Variants in ME3 observed in about 807,000 individuals in gnomAD.
ME3 encodes the protein malic enzyme 3.
In ME3, 48 loss-of-function variants were observed where a neutral mutation model predicts 68.9. The observed-to-expected ratio is 0.70, with a 90% CI of 0.55 to 0.89. The LOEUF is 0.89. Among genes scored for constraint, ME3 ranks in the 40% least tolerant of loss-of-function variants. The probability of loss-of-function intolerance (pLI) is 0.00; values close to 1 mark genes in which losing one functional copy is unlikely to be tolerated. For synonymous variants in ME3, 320 were observed against 318.8 expected (o/e 1.00, Z -0.04); for missense variants, 675 against 797.4 (o/e 0.85, Z 1.85).
intron 5 of ME3, among the ~76,000 whole-genome samples, chr11:86,503,854 A>T (rs889182501): frequency 2.0e-5 from 3 of 152,154 alleles, no homozygotes; most frequent in African/African-American, 7.2e-5. Flanking sequence ...GGAGCTTGGG[A>T]AAACTGTTAG....
In ME3 at chr11:86,639,930, C is replaced by T. The variant is rs115970547; in HGVS notation, c.183+31832G>A. On this transcript the variant is annotated intron_variant, in intron 2 of 14. Coordinates refer to ENST00000543262, the Ensembl canonical transcript of ME3. ...AGGATGTATGAGACAATTGAGTGAG[C>T]AGAGCTGATGGGAATCAAAGCCCAC... Among the ~76,000 whole-genome samples, 559 of 152,266 alleles carry T rather than the reference C, an allele frequency of 3.7e-3. 2 individuals carry two copies. Among genetic ancestry groups the T allele is most frequent in the African/African-American group, 0.013 (530 of 41,548 alleles).
At chr11:86,501,852 C>T (rs1251104515) in intron 5 of ME3, among the ~76,000 whole-genome samples, 2 of 152,198 alleles carry the variant, frequency 1.3e-5, no homozygotes, top group East Asian at 1.9e-4. Flanking sequence ...GCTACTGCCT[C>T]GGATCAGATC....
At chr11:86,573,817 TTTA>T (rs1308319554) in intron 2 of ME3, among the ~76,000 whole-genome samples, 3 of 152,192 alleles carry the variant, frequency 2.0e-5, no homozygotes, top group Non-Finnish European at 4.4e-5. Flanking sequence ...CAATACCTAG[TTTA>T]TTGAGAGCTT....
chr11:86,591,900 T>C (rs1347480980), intron 2 of ME3, among the ~76,000 whole-genome samples: 2 of 151,938 alleles, frequency 1.3e-5, no homozygotes, highest in Non-Finnish European at 2.9e-5. Flanking sequence ...AAGATGAGAT[T>C]TGGGTGGGGA....
At chr11:86,554,565 AT>A in intron 4 of ME3, among the ~76,000 whole-genome samples, 1 of 152,178 alleles carries the variant, frequency 6.6e-6, no homozygotes, top group Admixed American at 6.5e-5. Flanking sequence ...AGACACTGAC[AT>A]TTATCTGGTT....
chr11:86,505,798 A>T (rs1953032613), intron 5 of ME3, among the ~76,000 whole-genome samples: 1 of 152,210 alleles, frequency 6.6e-6, no homozygotes, highest in South Asian at 2.1e-4. Context: ...GCTGGGTCTG[A>T]TTCCTCTACA....
intron 8 of ME3, among the ~76,000 whole-genome samples, chr11:86,462,136 G>T (rs1175113173): frequency 3.9e-5 from 6 of 152,320 alleles, no homozygotes; most frequent in African/African-American, 1.2e-4. Context: ...ATTTATATGT[G>T]AGCACAGTCA....
intron 4 of ME3, among the ~76,000 whole-genome samples, chr11:86,519,514 C>G (rs1954114811): frequency 6.6e-6 from 1 of 152,142 alleles, no homozygotes. Context: ...TTCTTGGCAC[C>G]AAGTCCAGCA....
At chr11:86,511,428 C>T (rs1953518088) in intron 4 of ME3, among the ~76,000 whole-genome samples, 1 of 152,200 alleles carries the variant, frequency 6.6e-6, no homozygotes, top group South Asian at 2.1e-4. Context: ...TACTTTGAAA[C>T]CGCCTTTGCA....
intron 4 of ME3, 116 bp downstream of exon 4, chr11:86,556,437 A>G: frequency 8.0e-7 from 1 of 1,249,790 alleles, no homozygotes; most frequent in Non-Finnish European, 1.1e-6. Context: ...TTTTTGTTGG[A>G]CCACTGACCC....
intron 2 of ME3, among the ~76,000 whole-genome samples, chr11:86,640,534 G>C (rs978827486): frequency 2.0e-5 from 3 of 152,198 alleles, no homozygotes; most frequent in Non-Finnish European, 4.4e-5. Flanking sequence ...TGACTGGACA[G>C]GCCTTAGCCA....
intron 7 of ME3, among the ~76,000 whole-genome samples, chr11:86,469,050 C>T (rs188902084): frequency 1.4e-4 from 21 of 151,134 alleles, no homozygotes; most frequent in Admixed American, 9.2e-4. Context: ...TTTTGATAGC[C>T]TTACAGGTTC....
At chr11:86,657,064 T>C (rs10792871) in intron 2 of ME3, among the ~76,000 whole-genome samples, 137,656 of 152,212 alleles carry the variant, frequency 0.9, 62,336 homozygotes, top group Middle Eastern at 0.97. Context: ...GTGTGGGGAT[T>C]CCTCAAGGAT....
chr11:86,572,759 T>G (rs924308664), intron 2 of ME3, among the ~76,000 whole-genome samples: 3 of 152,242 alleles, frequency 2.0e-5, no homozygotes, highest in African/African-American at 7.2e-5. Context: ...TGTGTCTTTA[T>G]AGTAGAATGA....
intron 2 of ME3, among the ~76,000 whole-genome samples, chr11:86,587,886 A>G (rs941364669): frequency 3.9e-5 from 6 of 152,228 alleles, no homozygotes; most frequent in African/African-American, 4.8e-5. Flanking sequence ...TGGCTCAAAT[A>G]TAAATAAGAG....
At chr11:86,498,525 T>G (rs1952513837) in intron 5 of ME3, among the ~76,000 whole-genome samples, 1 of 152,246 alleles carries the variant, frequency 6.6e-6, no homozygotes. Context: ...GTGTTCGTGC[T>G]GCTGCTACAG....
Position 86,441,719 on chromosome 11 carries a change from T to C in ME3, c.1654-279A>G, listed in dbSNP as rs574721504. 3.9e-4 allele frequency among the ~76,000 whole-genome samples: 60 copies of C among 152,324 alleles called. No individual in the cohort carries two copies. In the Middle Eastern group the frequency reaches 0.01, roughly 26 times the overall value. ...CTGTGGGTCCTCAGAGCTGATATTA[T>C]CCTTGCTGAGCCTCAGTTTCCTCAT... On this transcript the variant is annotated intron_variant, in intron 14 of 14. Transcript: ENST00000543262.
chr11:86,535,564 C>T (rs946935839), intron 4 of ME3, among the ~76,000 whole-genome samples: 12 of 152,152 alleles, frequency 7.9e-5, no homozygotes, highest in Non-Finnish European at 1.5e-4. Context: ...TATCCTTTAT[C>T]CTGGTAACAG....
chr11:86,586,578 A>G (rs965587100), intron 2 of ME3, among the ~76,000 whole-genome samples: 4 of 152,204 alleles, frequency 2.6e-5, no homozygotes, highest in African/African-American at 9.6e-5. Flanking sequence ...GAGAAGGTCT[A>G]TAAGCTGGTG....
Sources: allele counts gnomAD v4.1 joint callset (sites outside exome capture counted in the v4.1 genomes callset), GRCh38; gene constraint gnomAD v4.1.1; transcripts MANE v1.5; gene names NCBI Gene and HGNC (gene_info 2026-07-23, HGNC 2026-07-21).